Variants in TMC4 observed in about 807,000 individuals in gnomAD.
The protein encoded by TMC4 is voltage-gated chloride channel TMC4.
In TMC4, 70 loss-of-function variants were observed where a neutral mutation model predicts 82.0. That is an observed-to-expected ratio of 0.85 (90% confidence interval 0.70 to 1.04). The LOEUF (loss-of-function observed/expected upper bound fraction) is 1.04. Ranked by LOEUF, TMC4 falls within the 50% of genes least tolerant of loss-of-function variation. The pLI, the probability that TMC4 is intolerant of heterozygous loss-of-function variation, is 0.00. For synonymous variants in TMC4, 446 were observed against 406.0 expected (o/e 1.10, Z -1.18); for missense variants, 879 against 899.0 (o/e 0.98, Z 0.28).
chr19:54,169,416 C>T, intron 3 of TMC4, 96 bp downstream of exon 3: 2 of 1,471,402 alleles, frequency 1.4e-6, no homozygotes, highest in Non-Finnish European at 1.8e-6. Flanking sequence ...CCAAGCCCCT[C>T]CTCCCTCAAA....
At chr19:54,167,494 G>C (rs1039719183) in intron 5 of TMC4, among the ~76,000 whole-genome samples, 1 of 151,798 alleles carries the variant, frequency 6.6e-6, no homozygotes, top group African/African-American at 2.4e-5. Context: ...GGGAGGTGGA[G>C]GTTGCAGTGA....
At chr19:54,169,425 A>G (rs1364752944) in intron 3 of TMC4, 87 bp downstream of exon 3, 2 of 1,488,316 alleles carry the variant, frequency 1.3e-6, no homozygotes, top group Non-Finnish European at 8.9e-7. Flanking sequence ...TCCTCCCTCA[A>G]ACCCAGGAGT....
intron 6 of TMC4, 116 bp downstream of exon 6, chr19:54,165,300 GAGA>G (rs2075674088): frequency 8.4e-7 from 1 of 1,186,448 alleles, no homozygotes; most frequent in Admixed American, 2.8e-5. Flanking sequence ...GCCTTTCTTG[GAGA>G]AGGAGCTGCT....
At position 54,160,890 on chromosome 19, in the gene TMC4, A is replaced by G; in HGVS notation, c.1961T>C (p.Leu654Pro). 6.2e-7 allele frequency: 1 copy of G among 1,614,084 alleles called. No homozygotes were observed. The highest frequency in any genetic ancestry group is 1.3e-5 in the African/African-American group (1 of 75,044). ...TGGGCCGTCTCACCTGGAGATCAGC[A>G]GAAGGGGCACAGCAAAAGCCTGGGT... ...LGTQAFAVPL[L>P]LISSILMAYT... Residue 654 changes from leucine (L) to proline (P), a missense_variant, in exon 13 of 15, where the codon CTG (leucine) becomes CCG (proline). By Grantham distance (98) the Leu-to-Pro change is moderately conservative. Coordinates refer to ENST00000619895, the MANE Select transcript of TMC4 (RefSeq NM_144686.4).
At position 54,173,132 on chromosome 19, in the gene TMC4, CTG is replaced by C. The variant is rs1399167042; in HGVS notation, c.-17_-16del. 7 of 1,613,304 alleles carry C rather than the reference CTG, an allele frequency of 4.3e-6. No homozygotes were observed. The Admixed American group carries it at 1.2e-4, about 27-fold the overall frequency. On this transcript the variant is annotated 5_prime_UTR_variant, in exon 1 of 15. Coordinates refer to ENST00000619895, the MANE Select transcript of TMC4 (RefSeq NM_144686.4). ...TTTTCTTCCATGGCCCCAGGCTGGG[CTG>C]TCTCTAGTGGCCACCAGGCAGACAC...
intron 2 of TMC4, among the ~76,000 whole-genome samples, chr19:54,170,519 T>C (rs760068673): frequency 1.3e-5 from 2 of 152,128 alleles, no homozygotes; most frequent in Non-Finnish European, 2.9e-5. Context: ...GTTCAAGGAC[T>C]CCCCAAGAAT....
In TMC4 at chr19:54,168,807, CT is replaced by C. The variant is rs1263123856; in HGVS notation, c.443-128del. 20 of 34,460 alleles carry C rather than the reference CT, an allele frequency of 5.8e-4. 3 individuals are homozygous for C. Among genetic ancestry groups the C allele is most frequent in the South Asian group, 9.9e-4 (1 of 1,006 alleles). The allele number at this position is 34,460 out of a possible 1,614,324, so 2.1% of individuals were successfully genotyped here. On this transcript the variant is annotated intron_variant, in intron 3 of 14. Coordinates refer to ENST00000619895, the MANE Select transcript of TMC4 (RefSeq NM_144686.4). ...TCTTTTCTTTTCTTTCTTTTCTTTTCTTTTCTTTTCTTTTCTTTTCTTTTCT... is the reference window on the plus strand; with the variant it reads ...TCTTTTCTTTTCTTTCTTTTCTTTTCTTTCTTTTCTTTTCTTTTCTTTTCT...
chr19:54,165,400 C>A lies in TMC4; in HGVS notation c.945+19G>T, dbSNP rs1430433773. 3 of 1,582,186 alleles carry A rather than the reference C, an allele frequency of 1.9e-6. No homozygotes were observed. The highest frequency in any genetic ancestry group is 1.7e-5 in the Admixed American group (1 of 59,196). ...TGTCTGGTCCCTACCCAGTTGCAGA[C>A]CCCGCTCCCTAATCGCACCTTTAAT... On this transcript the variant is annotated intron_variant, in intron 6 of 14. Coordinates refer to ENST00000619895, the MANE Select transcript of TMC4 (RefSeq NM_144686.4).
At chr19:54,172,654 T>C in intron 1 of TMC4, 1 of 271,802 alleles carries the variant, frequency 3.7e-6, no homozygotes, top group Non-Finnish European at 6.8e-6. Context: ...AGCCTCTACT[T>C]CCCCTGGACC....
chr19:54,166,349 C>T (rs1022807806), intron 5 of TMC4, among the ~76,000 whole-genome samples: 29 of 144,420 alleles, frequency 2.0e-4, no homozygotes, highest in Non-Finnish European at 3.8e-4. Context: ...AAAAAAAAGA[C>T]CCAGAGAAGA....
At position 54,160,975 on chromosome 19, in the gene TMC4, T is replaced by G. The variant is rs548236800; in HGVS notation, c.1876A>C (p.Ile626Leu). The change falls in exon 13 of 15, where the codon ATC becomes CTC. Residue 626 changes from isoleucine to leucine, a missense_variant. By Grantham distance (5) the Ile-to-Leu change is conservative (BLOSUM62 2). Transcript: ENST00000619895. ...FRGQSSIWAQ[I>L]PESISSLPET... is the part of the protein sequence containing the mutation. ...GGGAGGCTGGAAATAGACTCAGGGATCTGGGCCCAGATGGACGACTGCCCC... is the reference window on the plus strand; with the variant it reads ...GGGAGGCTGGAAATAGACTCAGGGAGCTGGGCCCAGATGGACGACTGCCCC... The G allele has an allele frequency of 6.2e-7, 1 of 1,613,968 alleles. No individual in the cohort carries two copies. Among genetic ancestry groups the G allele is most frequent in the African/African-American group, 1.3e-5 (1 of 74,960 alleles).
intron 6 of TMC4, among the ~76,000 whole-genome samples, chr19:54,165,104 C>T (rs1202114339): frequency 6.8e-6 from 1 of 146,866 alleles, no homozygotes; most frequent in Non-Finnish European, 1.5e-5. Flanking sequence ...GAGGGAGCCT[C>T]CCTATGTTGC....
chr19:54,162,847 C>T, intron 9 of TMC4, 77 bp from the exon 10 acceptor site: 1 of 1,516,706 alleles, frequency 6.6e-7, no homozygotes, highest in Non-Finnish European at 9.1e-7. Flanking sequence ...GTCTCCACAT[C>T]GCAAGCCTAT....
rs1234638453 is a variant in TMC4 at position 54,162,222 on chromosome 19, C to T, written c.1566G>A (p.Val522=). 1 of 1,612,556 alleles carries T rather than the reference C, an allele frequency of 6.2e-7. No homozygotes were observed. Among genetic ancestry groups the T allele is most frequent in the East Asian group, 2.2e-5 (1 of 44,838 alleles). ...AGATGAGCCCCAGCACCTCGTCGGGCACCTGGAACTCTTGGGTCCCCGCCA... is the reference window on the plus strand; with the variant it reads ...AGATGAGCCCCAGCACCTCGTCGGGTACCTGGAACTCTTGGGTCCCCGCCA... ...GRLAGTQEFQ[V]PDEVLGLIYA... is the part of the protein sequence containing the mutation. The change falls in exon 11 of 15, where the codon GTG becomes GTA. Residue 522 remains valine, a synonymous_variant. Transcript: ENST00000619895.
chr19:54,160,440 G>A (rs1383536368), intron 14 of TMC4, 27 bp downstream of exon 14: 2 of 1,611,106 alleles, frequency 1.2e-6, no homozygotes, highest in South Asian at 2.2e-5. Context: ...TTCCCCAGGG[G>A]CCCTCTCAGG....
chr19:54,163,522 G>A (rs2075622491), intron 8 of TMC4: 3 of 650,992 alleles, frequency 4.6e-6, no homozygotes, highest in Middle Eastern at 2.5e-4. Flanking sequence ...TTGTCAGGCT[G>A]GTCTCGAACT....
In TMC4 at chr19:54,163,858, C is replaced by T. The variant is rs376258340; in HGVS notation, c.1143G>A (p.Leu381=). 6.2e-7 allele frequency: 1 copy of T among 1,614,086 alleles called. No homozygotes were observed. The highest frequency in any genetic ancestry group is 2.2e-5 in the East Asian group (1 of 44,888). Residue 381 remains leucine, a synonymous_variant, in exon 8 of 15, where the codon CTG becomes CTA. Coordinates refer to ENST00000619895, the MANE Select transcript of TMC4 (RefSeq NM_144686.4). ...GAAGGTAATTCACCCCAAGCTTCAGCAGTGGCAACTCCTGGACAAGGGGCA... is the reference window on the plus strand; with the variant it reads ...GAAGGTAATTCACCCCAAGCTTCAGTAGTGGCAACTCCTGGACAAGGGGCA... ...QEMPLVQELP[L]LKLGVNYLPS...
At chr19:54,160,607 G>A (rs757298979) in intron 13 of TMC4, 62 bp from the exon 14 acceptor site, 14 of 1,609,606 alleles carry the variant, frequency 8.7e-6, no homozygotes, top group Non-Finnish European at 1.2e-5. Flanking sequence ...CAAACGTCTG[G>A]CTCCTTCGAA....
rs1321963543 is a variant in TMC4 at position 54,168,581 on chromosome 19, A to T, written c.542T>A (p.Leu181Gln). The change falls in exon 4 of 15, where the codon CTG (leucine) becomes CAG (glutamine). Residue 181 changes from leucine to glutamine, a missense_variant. Physicochemically the swap from Leu to Gln is moderately radical, Grantham distance 113. Transcript: ENST00000619895. ...ASVLMACMTL[L>Q]PTWLGGAPPG... The stretch of plus-strand genomic sequence containing the variant: ...GGGAGCGCCTCCCAACCAGGTGGGC[A>T]GCAGCGTCATGCAGGCCATGAGCAC... 6.3e-7 allele frequency: 1 copy of T among 1,589,530 alleles called. No homozygotes were observed. The highest frequency in any genetic ancestry group is 1.1e-5 in the South Asian group (1 of 87,222).
Sources: gnomAD v4.1 joint callset for allele counts (sites outside exome capture counted in the v4.1 genomes callset) on GRCh38, gnomAD v4.1.1 for gene constraint, MANE v1.5 for transcripts, NCBI Gene and HGNC (gene_info 2026-07-23, HGNC 2026-07-21) for gene names.